Variants in TOR1B observed in about 807,000 individuals in gnomAD.
TOR1B encodes the protein torsin-1B.
TOR1B carries 14 observed loss-of-function variants against 29.2 expected under a neutral mutation model. The ratio of observed to expected loss-of-function variants is 0.48; its 90% CI spans 0.32 to 0.75. The LOEUF (loss-of-function observed/expected upper bound fraction) is 0.75. Ranked by LOEUF, TOR1B falls within the 30% of genes least tolerant of loss-of-function variation. TOR1B has a pLI of 0.04. For missense variants in TOR1B, 400 were observed against 433.9 expected (o/e 0.92, Z 0.69); for synonymous variants, 166 against 179.8 (o/e 0.92, Z 0.62).
At chr9:129,805,576 G>C (rs2030435661) in intron 2 of TOR1B, among the ~76,000 whole-genome samples, 1 of 152,226 alleles carries the variant, frequency 6.6e-6, no homozygotes, top group Admixed American at 6.5e-5. Flanking sequence ...TGAGTGAAGG[G>C]ATTCCACATC....
intron 4 of TOR1B, 87 bp from the exon 5 acceptor site, chr9:129,809,255 G>T: frequency 6.3e-7 from 1 of 1,590,776 alleles, no homozygotes; most frequent in East Asian, 2.2e-5. Context: ...CAAGGGGTAC[G>T]GACATGAGGA....
chr9:129,803,199 C>A lies in TOR1B; in HGVS notation c.-14C>A. The stretch of plus-strand genomic sequence containing the variant: ...CGCCTGGCTCAGTGGCTTCTGCGGG[C>A]TTCGAGGAGCGGGATGTTGCGGGCT... On this transcript the variant is annotated 5_prime_UTR_variant, in exon 1 of 5. Coordinates refer to ENST00000259339, the MANE Select transcript of TOR1B (RefSeq NM_014506.3). 6.9e-7 allele frequency: 1 copy of A among 1,450,960 alleles called. No homozygotes were observed. Among genetic ancestry groups the A allele is most frequent in the South Asian group, 1.4e-5 (1 of 70,340 alleles). 89.9% of individuals were successfully genotyped at this position (1,450,960 alleles called of 1,614,324 possible).
At chr9:129,806,120 C>CAAAAAA (rs34263616) in intron 2 of TOR1B, among the ~76,000 whole-genome samples, 1 of 122,618 alleles carries the variant, frequency 8.2e-6, no homozygotes. Flanking sequence ...GACTCTATCT[C>CAAAAAA]AAAAAAAAAA....
At position 129,810,344 on chromosome 9, in the gene TOR1B, T is replaced by TGG. The variant is rs200600696; in HGVS notation, c.*762_*763insGG. ...CTTGATCTGAGCTGACCTGTGTGTG[T>TGG]GTGTGTGGGGGGGTGGGGCCTTCAC... On this transcript the variant is annotated 3_prime_UTR_variant, in exon 5 of 5. Transcript: ENST00000259339. The TGG allele has an allele frequency of 9.4e-4, 846 of 900,178 alleles. 21 individuals carry two copies. The African/African-American group carries it at 9.5e-3, about 10-fold the overall frequency. The allele number at this position is 900,178 out of a possible 1,614,324, so 55.8% of individuals were successfully genotyped here.
Position 129,803,248 on chromosome 9 carries a change from G to T in TOR1B, c.36G>T (p.Ala12=). The T allele has an allele frequency of 6.5e-7, 1 of 1,548,570 alleles. No homozygotes were observed. Residue 12 remains alanine (A), a synonymous_variant, in exon 1 of 5, where the codon GCG becomes GCT. Transcript: ENST00000259339. ...CTGGGTGGCTCCGGGGCGCGGCGGC[G>T]CTGGCGCTGCTGCTGGCGGCCCGAG... ...LRAGWLRGAA[A]LALLLAARVV... is the part of the protein sequence containing the mutation.
intron 3 of TOR1B, among the ~76,000 whole-genome samples, chr9:129,808,638 C>T (rs1452511134): frequency 4.0e-5 from 6 of 150,188 alleles, no homozygotes; most frequent in Non-Finnish European, 7.4e-5. Flanking sequence ...CAACCTCCAC[C>T]TCCCGGATTC....
rs2030818861 is a variant in TOR1B, at chr9:129,810,738, A to C, written c.*1155A>C. ...GAACAAGTCAGCTTGATGATCTTAA[A>C]TGATGGAAGTATAGGACGTTGCTTA... On this transcript the variant is annotated 3_prime_UTR_variant, in exon 5 of 5. Coordinates refer to ENST00000259339, the MANE Select transcript of TOR1B (RefSeq NM_014506.3). The C allele has an allele frequency of 6.5e-6, 1 of 154,968 alleles. No homozygotes were observed. The highest frequency in any genetic ancestry group is 2.4e-5 in the African/African-American group (1 of 41,546). The allele number at this position is 154,968 out of a possible 1,614,324, so 9.6% of individuals were successfully genotyped here.
rs34869382 is a variant in TOR1B at position 129,805,139 on chromosome 9, G to GAAA, written c.465+815_465+817dup. On this transcript the variant is annotated intron_variant, in intron 2 of 4. Transcript: ENST00000259339. ...GGCGACACAGTGAGACTCTGTCTCA[G>GAAA]AAAAAAAAAAAAAAAAGAGAGATGT... Among the ~76,000 whole-genome samples, 15 of 105,484 alleles carry GAAA rather than the reference G, an allele frequency of 1.4e-4. No homozygotes were observed. The East Asian group carries it at 3.6e-3, about 25-fold the overall frequency. 69.2% of individuals were successfully genotyped at this position (105,484 alleles called of 152,430 possible).
At chr9:129,808,645 A>G (rs13290805) in intron 3 of TOR1B, among the ~76,000 whole-genome samples, 28,457 of 142,112 alleles carry the variant, frequency 0.2, 3,047 homozygotes, top group Middle Eastern at 0.26. Flanking sequence ...CACCTCCCGG[A>G]TTCAAACGAT....
intron 4 of TOR1B, 60 bp from the exon 5 acceptor site, chr9:129,809,282 G>A: frequency 1.2e-6 from 2 of 1,609,336 alleles, no homozygotes; most frequent in Non-Finnish European, 1.7e-6. Flanking sequence ...TGAGGGTCGG[G>A]ACTGGAGCTT....
In TOR1B at chr9:129,810,576, T is replaced by A; in HGVS notation, c.*993T>A. ...TTGAATCACAATGAGACCGTTGGCT[T>A]TGAATTTGAGTCGTTGGTTCCCATG... is the stretch of plus-strand genomic sequence containing the variant. On this transcript the variant is annotated 3_prime_UTR_variant, in exon 5 of 5. Coordinates refer to ENST00000259339, the MANE Select transcript of TOR1B (RefSeq NM_014506.3). The A allele has an allele frequency of 2.4e-6, 1 of 421,562 alleles. No individual in the cohort carries two copies. Among genetic ancestry groups the A allele is most frequent in the Non-Finnish European group, 3.4e-6 (1 of 295,458 alleles). The allele number at this position is 421,562 out of a possible 1,614,324, so 26.1% of individuals were successfully genotyped here.
Position 129,809,403 on chromosome 9 carries a change from G to A in TOR1B, c.831G>A (p.Leu277=). The change falls in exon 5 of 5, where the codon CTG becomes CTA. Residue 277 remains leucine, a synonymous_variant. Transcript: ENST00000259339. ...KNLIDYFIPF[L]PLEYRHVKMC... ...TCATTGATTACTTTATCCCCTTCCT[G>A]CCTTTGGAGTACAGACATGTGAAAA... is the stretch of plus-strand genomic sequence containing the variant. 6.2e-7 allele frequency: 1 copy of A among 1,614,194 alleles called. No individual in the cohort carries two copies. The highest frequency in any genetic ancestry group is 1.7e-5 in the Admixed American group (1 of 60,018).
chr9:129,804,480 G>T (rs2130986229), intron 2 of TOR1B, 142 bp downstream of exon 2: 1 of 1,060,550 alleles, frequency 9.4e-7, no homozygotes, highest in Non-Finnish European at 1.4e-6. Context: ...CTTAGTCCAG[G>T]TAGTTACAAA....
intron 2 of TOR1B, among the ~76,000 whole-genome samples, chr9:129,804,819 G>A (rs1302397749): frequency 1.7e-5 from 2 of 121,152 alleles, no homozygotes; most frequent in Admixed American, 1.0e-4. Flanking sequence ...CTGAGATCGC[G>A]CCACCGTACT....
intron 3 of TOR1B, among the ~76,000 whole-genome samples, chr9:129,808,316 G>A (rs566014986): frequency 1.2e-3 from 178 of 151,950 alleles, no homozygotes; most frequent in Non-Finnish European, 1.3e-3. Flanking sequence ...TGGCCAACAT[G>A]GTGAAACCCC....
At position 129,803,254 on chromosome 9, in the gene TOR1B, G is replaced by A; in HGVS notation, c.42G>A (p.Ala14=). 2 of 1,553,698 alleles carry A rather than the reference G, an allele frequency of 1.3e-6. No individual in the cohort carries two copies. The highest frequency in any genetic ancestry group is 1.7e-6 in the Non-Finnish European group (2 of 1,156,392). ...GGCTCCGGGGCGCGGCGGCGCTGGC[G>A]CTGCTGCTGGCGGCCCGAGTGGTGG... ...AGWLRGAAAL[A]LLLAARVVAA... is the part of the protein sequence containing the mutation. The change falls in exon 1 of 5, where the codon GCG becomes GCA. Residue 14 remains alanine, a synonymous_variant. Coordinates refer to ENST00000259339, the MANE Select transcript of TOR1B (RefSeq NM_014506.3).
chr9:129,809,611 G>A lies in TOR1B; in HGVS notation c.*28G>A. On this transcript the variant is annotated 3_prime_UTR_variant, in exon 5 of 5. Transcript: ENST00000259339. ...TCCTATCCAGATGGGGTAGGAGACA[G>A]CTGGGAGGCTCCGCACGCCAGAGGC... 1 of 1,612,906 alleles carries A rather than the reference G, an allele frequency of 6.2e-7. No individual in the cohort carries two copies. Among genetic ancestry groups the A allele is most frequent in the Non-Finnish European group, 8.5e-7 (1 of 1,179,044 alleles).
At position 129,804,320 on chromosome 9, in the gene TOR1B, GAAGAT is replaced by G; in HGVS notation, c.450_454del (p.Ile151ThrfsTer13). The stretch of plus-strand genomic sequence containing the variant: ...CGACTCTGCACTTCCCTCATGAGCA[GAAGAT>G]AAAACTGTACCAGGCAAGAGAACCC... On this transcript the variant is annotated frameshift_variant, in exon 2 of 5. Transcript: ENST00000259339. LOFTEE classifies it high-confidence loss of function. 1 of 1,613,578 alleles carries G rather than the reference GAAGAT, an allele frequency of 6.2e-7. No individual in the cohort carries two copies. Among genetic ancestry groups the G allele is most frequent in the Non-Finnish European group, 8.5e-7 (1 of 1,179,480 alleles).
intron 2 of TOR1B, among the ~76,000 whole-genome samples, chr9:129,805,486 A>G (rs980968556): frequency 1.3e-5 from 2 of 152,058 alleles, no homozygotes; most frequent in African/African-American, 2.4e-5. Flanking sequence ...TACTCCTACA[A>G]TCTTTGTAGC....
Sources: allele counts gnomAD v4.1 joint callset (sites outside exome capture counted in the v4.1 genomes callset), GRCh38; gene constraint gnomAD v4.1.1; transcripts MANE v1.5; gene names NCBI Gene and HGNC (gene_info 2026-07-23, HGNC 2026-07-21).